Variants in LRRTM4 observed in about 807,000 individuals in gnomAD.
LRRTM4 encodes the protein leucine rich repeat transmembrane neuronal 4.
In LRRTM4, 25 loss-of-function variants were observed where a neutral mutation model predicts 47.6. The observed-to-expected ratio is 0.53, with a 90% confidence interval of 0.38 to 0.73. LRRTM4 has a LOEUF of 0.73. Among genes scored for constraint, LRRTM4 ranks in the 30% least tolerant of loss-of-function variants. The pLI is 0.00. For synonymous variants in LRRTM4, 311 were observed against 269.5 expected (o/e 1.15, Z -1.51); for missense variants, 638 against 713.4 (o/e 0.89, Z 1.20).
At chr2:77,133,010 T>A (rs1671843092) in intron 3 of LRRTM4, among the ~76,000 whole-genome samples, 1 of 152,220 alleles carries the variant, frequency 6.6e-6, no homozygotes, top group Non-Finnish European at 1.5e-5. Flanking sequence ...GATATTAATA[T>A]CTGCCCAGGT....
chr2:77,151,099 A>G (rs1428089945), intron 3 of LRRTM4, among the ~76,000 whole-genome samples: 2 of 151,884 alleles, frequency 1.3e-5, no homozygotes, highest in South Asian at 2.1e-4. Context: ...AAGGTAATAG[A>G]CTAGACTACG....
At chr2:76,909,358 G>A (rs1364471650) in intron 3 of LRRTM4, among the ~76,000 whole-genome samples, 3 of 152,136 alleles carry the variant, frequency 2.0e-5, no homozygotes, top group Non-Finnish European at 4.4e-5. Flanking sequence ...ATGGATTAAA[G>A]ACTTAAACCT....
intron 3 of LRRTM4, among the ~76,000 whole-genome samples, chr2:76,876,564 G>A (rs946786038): frequency 3.3e-5 from 5 of 151,970 alleles, no homozygotes; most frequent in African/African-American, 7.2e-5. Flanking sequence ...TGATGTCTAC[G>A]AGTTTTCGTA....
intron 3 of LRRTM4, among the ~76,000 whole-genome samples, chr2:77,311,700 C>A (rs537908606): frequency 6.6e-6 from 1 of 152,188 alleles, no homozygotes; most frequent in South Asian, 2.1e-4. Context: ...TGCAGTAAAG[C>A]CACTAGAAGA....
chr2:77,384,703 T>C (rs1440107477), intron 3 of LRRTM4, among the ~76,000 whole-genome samples: 1 of 152,030 alleles, frequency 6.6e-6, no homozygotes, highest in Non-Finnish European at 1.5e-5. Context: ...TATCTCTCTC[T>C]GGCAAAAGGA....
At chr2:77,410,574 G>T (rs1199483550) in intron 3 of LRRTM4, among the ~76,000 whole-genome samples, 3 of 152,134 alleles carry the variant, frequency 2.0e-5, no homozygotes, top group Admixed American at 6.5e-5. Flanking sequence ...TTGAGGATGG[G>T]GTGCTTATAA....
intron 3 of LRRTM4, among the ~76,000 whole-genome samples, chr2:77,121,150 G>A (rs556324727): frequency 3.3e-5 from 5 of 151,728 alleles, no homozygotes; most frequent in South Asian, 4.1e-4. Context: ...AAACAAATGC[G>A]AAAGGCAAAT....
At chr2:77,193,881 T>C (rs1192018099) in intron 3 of LRRTM4, among the ~76,000 whole-genome samples, 2 of 152,152 alleles carry the variant, frequency 1.3e-5, no homozygotes, top group Non-Finnish European at 2.9e-5. Flanking sequence ...GGCAACAAAA[T>C]GGAGACTCAT....
At chr2:76,805,285 G>A (rs771306152) in intron 3 of LRRTM4, among the ~76,000 whole-genome samples, 1 of 152,106 alleles carries the variant, frequency 6.6e-6, no homozygotes, top group East Asian at 1.9e-4. Flanking sequence ...ATTTACTTAT[G>A]ATGGAACCAA....
intron 3 of LRRTM4, among the ~76,000 whole-genome samples, chr2:77,428,227 C>G (rs986134311): frequency 1.3e-5 from 2 of 152,118 alleles, no homozygotes; most frequent in Non-Finnish European, 2.9e-5. Flanking sequence ...TATAAATTAC[C>G]TAGTCTTGGG....
At chr2:77,334,074 G>A (rs1415744319) in intron 3 of LRRTM4, among the ~76,000 whole-genome samples, 1 of 152,128 alleles carries the variant, frequency 6.6e-6, no homozygotes, top group Non-Finnish European at 1.5e-5. Flanking sequence ...CTTTGTGTTG[G>A]CCAAATTCTC....
chr2:77,226,202 T>G (rs1413787478), intron 3 of LRRTM4, among the ~76,000 whole-genome samples: 1 of 151,836 alleles, frequency 6.6e-6, no homozygotes, highest in Non-Finnish European at 1.5e-5. Flanking sequence ...ATATTTCACT[T>G]AAAATGTTTC....
At chr2:76,755,595 A>G (rs1446503602) in intron 3 of LRRTM4, among the ~76,000 whole-genome samples, 3 of 152,158 alleles carry the variant, frequency 2.0e-5, no homozygotes, top group Non-Finnish European at 4.4e-5. Context: ...GAGAAAAATT[A>G]TTTGCAAAAC....
intron 3 of LRRTM4, among the ~76,000 whole-genome samples, chr2:76,939,164 G>A (rs1224615329): frequency 1.3e-5 from 2 of 150,884 alleles, no homozygotes; most frequent in Non-Finnish European, 2.9e-5. Flanking sequence ...AAAAAAAAAT[G>A]GTGATTGTAT....
intron 3 of LRRTM4, among the ~76,000 whole-genome samples, chr2:76,857,623 G>A (rs556252910): frequency 7.9e-5 from 12 of 152,066 alleles, no homozygotes; most frequent in Admixed American, 3.9e-4. Context: ...ATAGTCTTTC[G>A]TATTTCAGTT....
intron 3 of LRRTM4, among the ~76,000 whole-genome samples, chr2:77,375,964 G>C (rs937607979): frequency 6.6e-6 from 1 of 151,624 alleles, no homozygotes; most frequent in Non-Finnish European, 1.5e-5. Context: ...CATTCTCTCT[G>C]CTTCTATTTT....
chr2:77,129,638 T>C (rs1671743798), intron 3 of LRRTM4, among the ~76,000 whole-genome samples: 1 of 152,206 alleles, frequency 6.6e-6, no homozygotes, highest in South Asian at 2.1e-4. Flanking sequence ...CAAATGAGAA[T>C]GATGTAAATG....
chr2:77,413,864 ACAC>A (rs1558732216), intron 3 of LRRTM4, among the ~76,000 whole-genome samples: 17 of 151,966 alleles, frequency 1.1e-4, no homozygotes, highest in Non-Finnish European at 2.5e-4. Context: ...ACACACACAC[ACAC>A]AAAACCCCAT....
chr2:77,098,755 T>A lies in LRRTM4; in HGVS notation c.1552-349839A>T, dbSNP rs895415856. On this transcript the variant is annotated intron_variant, in intron 3 of 3. Coordinates refer to ENST00000409884, the MANE Select transcript of LRRTM4 (RefSeq NM_001134745.3). ...GTAACACATATTACTCACAAAAGATTAGTTTCCAGAATATGTCAAGACTAC... is the reference window on the plus strand; with the variant it reads ...GTAACACATATTACTCACAAAAGATAAGTTTCCAGAATATGTCAAGACTAC... Among the ~76,000 whole-genome samples, 3 of 151,930 alleles carry A rather than the reference T, an allele frequency of 2.0e-5. No individual in the cohort carries two copies. The South Asian group carries it at 6.2e-4, about 31-fold the overall frequency.
Sources: allele counts gnomAD v4.1 joint callset (sites outside exome capture counted in the v4.1 genomes callset), GRCh38; gene constraint gnomAD v4.1.1; transcripts MANE v1.5; gene names NCBI Gene and HGNC (gene_info 2026-07-23, HGNC 2026-07-21).